LARP4B: variants seen among roughly 807,000 people sequenced by gnomAD.
The protein encoded by LARP4B is La ribonucleoprotein 4B.
In LARP4B, 12 loss-of-function variants were observed where a neutral mutation model predicts 89.8. The ratio of observed to expected loss-of-function variants is 0.13; its 90% CI spans 0.09 to 0.22. The LOEUF (loss-of-function observed/expected upper bound fraction) is 0.22, where lower values mean the gene tolerates loss of function less well. Ranked by LOEUF, LARP4B falls within the 10% of genes least tolerant of loss-of-function variation. The probability of loss-of-function intolerance (pLI) is 1.00; values close to 1 mark genes in which losing one functional copy is unlikely to be tolerated. For synonymous variants in LARP4B, 367 were observed against 363.3 expected, an observed-to-expected ratio of 1.01 and a Z score of -0.12; for missense variants, 757 against 947.7, an observed-to-expected ratio of 0.80 and a Z score of 2.64.
intron 1 of LARP4B, among the ~76,000 whole-genome samples, chr10:904,333 C>T (rs1836427828): frequency 6.6e-6 from 1 of 152,098 alleles, no homozygotes; most frequent in Non-Finnish European, 1.5e-5. Flanking sequence ...AAAGGGAGAT[C>T]ACTTGAGCTC....
chr10:876,811 G>A (rs1477700256), intron 3 of LARP4B, among the ~76,000 whole-genome samples: 1 of 152,180 alleles, frequency 6.6e-6, no homozygotes, highest in Non-Finnish European at 1.5e-5. Flanking sequence ...TCTCTGCAGT[G>A]GCTCTGCTCC....
At chr10:884,550 A>G (rs1384061525) in intron 2 of LARP4B, 44 bp from the exon 3 acceptor site, 2 of 1,297,172 alleles carry the variant, frequency 1.5e-6, no homozygotes, top group Non-Finnish European at 1.1e-6. Context: ...AATGTTTAAA[A>G]AGAAACAACA....
At chr10:835,172 G>T (rs1237239900) in intron 8 of LARP4B, among the ~76,000 whole-genome samples, 1 of 152,142 alleles carries the variant, frequency 6.6e-6, no homozygotes, top group Non-Finnish European at 1.5e-5. Context: ...GTAAAGACAG[G>T]CTAAGTGGAA....
chr10:967,698 A>G, the LARP4B span, among the ~76,000 whole-genome samples: 2 of 152,180 alleles, frequency 1.3e-5, no homozygotes, highest in Admixed American at 1.3e-4. Flanking sequence ...TCAGGGGGCA[A>G]CAGAGGGAGG....
chr10:829,447 G>A lies in LARP4B; in HGVS notation c.1063C>T (p.Leu355=), dbSNP rs1477842162. 5 of 1,614,048 alleles carry A rather than the reference G, an allele frequency of 3.1e-6. No individual in the cohort carries two copies. In the African/African-American group the frequency reaches 5.3e-5, roughly 17 times the overall value. The change falls in exon 11 of 18, where the codon CTG becomes TTG. Residue 355 remains leucine (L), a synonymous_variant. Coordinates refer to ENST00000316157, the MANE Select transcript of LARP4B (RefSeq NM_015155.3). ...GTCTGGGGAGTGATCAGGCTGTACA[G>A]GGGGAACTGCTGCTGGGGGCTGTAC... is the stretch of plus-strand genomic sequence containing the variant. The part of the protein sequence containing the change: ...PMYSPQQQFP[L]YSLITPQTWS...
chr10:981,299 C>T, the LARP4B span, among the ~76,000 whole-genome samples: 16 of 152,218 alleles, frequency 1.1e-4, no homozygotes, highest in African/African-American at 3.9e-4. Context: ...TCCTGTCTTC[C>T]TCTGAGCCCT....
intron 5 of LARP4B, among the ~76,000 whole-genome samples, chr10:862,700 C>T (rs1038753455): frequency 1.3e-5 from 2 of 151,792 alleles, no homozygotes; most frequent in African/African-American, 4.8e-5. Flanking sequence ...GCGGAGCTTG[C>T]AGTGAGCCGA....
chr10:921,576 T>A (rs1836981832), intron 1 of LARP4B, among the ~76,000 whole-genome samples: 1 of 152,172 alleles, frequency 6.6e-6, no homozygotes, highest in African/African-American at 2.4e-5. Flanking sequence ...GGAAATAGTA[T>A]GCCAAGAATC....
At chr10:918,685 T>C (rs1029601469) in intron 1 of LARP4B, among the ~76,000 whole-genome samples, 2 of 149,476 alleles carry the variant, frequency 1.3e-5, no homozygotes, top group Non-Finnish European at 3.0e-5. Flanking sequence ...GAATCAGCCA[T>C]TGAAAATTCC....
chr10:847,245 C>A (rs1833818899), intron 5 of LARP4B, among the ~76,000 whole-genome samples: 1 of 152,038 alleles, frequency 6.6e-6, no homozygotes, highest in Admixed American at 6.5e-5. Flanking sequence ...TGGGGAGTGA[C>A]CCAACCATGC....
intron 1 of LARP4B, among the ~76,000 whole-genome samples, chr10:892,497 T>A (rs1337804004): frequency 6.6e-6 from 1 of 152,120 alleles, no homozygotes; most frequent in Non-Finnish European, 1.5e-5. Context: ...AATAAACAAC[T>A]ATATGTCAGG....
intron 8 of LARP4B, among the ~76,000 whole-genome samples, chr10:832,217 G>T (rs1319805654): frequency 1.3e-5 from 2 of 151,516 alleles, no homozygotes; most frequent in Admixed American, 6.6e-5. Flanking sequence ...CTAATTTTTT[G>T]TATTTTTAGT....
chr10:909,602 T>G (rs1191860404), intron 1 of LARP4B, among the ~76,000 whole-genome samples: 1 of 151,404 alleles, frequency 6.6e-6, no homozygotes, highest in African/African-American at 2.4e-5. Context: ...CTGGCCAACA[T>G]GGTGAAACCT....
At chr10:918,334 A>G (rs1836882470) in intron 1 of LARP4B, among the ~76,000 whole-genome samples, 2 of 152,182 alleles carry the variant, frequency 1.3e-5, no homozygotes, top group Admixed American at 1.3e-4. Context: ...CTAACATCAC[A>G]AAAAGAGTTT....
Position 836,426 on chromosome 10 carries a change from T to C in LARP4B, c.727A>G (p.Ile243Val). The C allele has an allele frequency of 6.2e-7, 1 of 1,610,788 alleles. No homozygotes were observed. The highest frequency in any genetic ancestry group is 8.5e-7 in the Non-Finnish European group (1 of 1,177,566). Residue 243 changes from isoleucine to valine, a missense_variant, in exon 8 of 18, where the codon ATA becomes GTA. This residue lies in a region of LARP4B where 137 missense variants were observed against 213.9 expected (regional missense o/e 0.64). Coordinates refer to ENST00000316157, the MANE Select transcript of LARP4B (RefSeq NM_015155.3). ...ACTTCCACGGGGGTAGATTCAGATA[T>C]TTCACGCAATATTACTATGCAGCGA... is the stretch of plus-strand genomic sequence containing the variant. ...QNRCIVILRE[I>V]SESTPVEEVE...
intron 1 of LARP4B, among the ~76,000 whole-genome samples, chr10:928,248 G>C (rs958782032): frequency 1.3e-5 from 2 of 151,436 alleles, no homozygotes; most frequent in African/African-American, 4.8e-5. Context: ...AAAAAAACTT[G>C]TACCTTTAAC....
Position 825,813 on chromosome 10 carries a change from G to A in LARP4B, c.1183C>T (p.Pro395Ser). 3 of 1,613,932 alleles carry A rather than the reference G, an allele frequency of 1.9e-6. No individual in the cohort carries two copies. The highest frequency in any genetic ancestry group is 1.1e-5 in the South Asian group (1 of 90,968). ...INGFTSPAFK[P>S]AASPLTSLRQ... ...AGAGAAGTCAGAGGAGACGCCGCAG[G>A]CTTGAACGCTGGAGACGTAAACCCA... The change falls in exon 12 of 18, where the codon CCT becomes TCT. Residue 395 changes from proline to serine, a missense_variant. Pro to Ser is a moderately conservative substitution (Grantham distance 74). Transcript: ENST00000316157.
chr10:815,195 T>A, intron 15 of LARP4B, 125 bp from the exon 16 acceptor site: 1 of 1,156,616 alleles, frequency 8.6e-7, no homozygotes, highest in Non-Finnish European at 1.2e-6. Context: ...GGGAAGAGGG[T>A]CTTCTCCAGC....
At chr10:856,432 C>T (rs1282575931) in intron 5 of LARP4B, among the ~76,000 whole-genome samples, 1 of 152,198 alleles carries the variant, frequency 6.6e-6, no homozygotes, top group Non-Finnish European at 1.5e-5. Context: ...GAACAATTAA[C>T]AACTCTTCTT....
Sources: gnomAD v4.1 joint callset for allele counts (sites outside exome capture counted in the v4.1 genomes callset) on GRCh38, gnomAD v4.1.1 for gene constraint, gnomAD v4.1.1 regional missense constraint, MANE v1.5 for transcripts, NCBI Gene and HGNC (gene_info 2026-07-23, HGNC 2026-07-21) for gene names.